DDI2: variants seen among roughly 807,000 people sequenced by gnomAD.
DDI2 encodes the protein protein DDI1 homolog 2.
A neutral mutation model predicts 48.1 loss-of-function variants in DDI2; 5 were observed. The ratio of observed to expected loss-of-function variants is 0.10; its 90% CI spans 0.05 to 0.22. The LOEUF (loss-of-function observed/expected upper bound fraction) is 0.22, where lower values mean the gene tolerates loss of function less well. DDI2 is among the 10% of genes least tolerant of loss of function. The pLI is 1.00. For missense variants in DDI2, 285 were observed against 506.2 expected, an observed-to-expected ratio of 0.56 and a Z score of 4.19; for synonymous variants, 205 against 183.6, an observed-to-expected ratio of 1.12 and a Z score of -0.94.
chr1:15,648,975 G>A (rs1250961892), intron 6 of DDI2, among the ~76,000 whole-genome samples: 1 of 152,076 alleles, frequency 6.6e-6, no homozygotes, highest in Non-Finnish European at 1.5e-5. Flanking sequence ...GCTCACTCTT[G>A]TAATCCCAGC....
At position 15,659,959 on chromosome 1, in the gene DDI2, C is replaced by T. The variant is rs141224991; in HGVS notation, c.*169C>T. 3.0e-4 allele frequency: 487 copies of T among 1,614,164 alleles called. 1 individual carries two copies. The African/African-American group carries it at 5.5e-3, about 18-fold the overall frequency. Reference sequence around the variant, plus strand: ...TGTTGGTAATCCTATGAGTCTTGCTCGCTCTGTCTCTGCTTCAGTCTGCCC... The same window carrying T: ...TGTTGGTAATCCTATGAGTCTTGCTTGCTCTGTCTCTGCTTCAGTCTGCCC... On this transcript the variant is annotated 3_prime_UTR_variant, in exon 10 of 10. Coordinates refer to ENST00000480945, the MANE Select transcript of DDI2 (RefSeq NM_032341.5).
In DDI2 at chr1:15,667,623, T is replaced by C. The variant is rs1275491956; in HGVS notation, c.*7833T>C. 2 of 152,202 alleles carry C rather than the reference T, an allele frequency of 1.3e-5. No individual in the cohort carries two copies. Among genetic ancestry groups the C allele is most frequent in the Non-Finnish European group, 2.9e-5 (2 of 68,040 alleles). The allele number at this position is 152,202 out of a possible 1,614,324, so 9.4% of individuals were successfully genotyped here. A position where few individuals can be genotyped will look rare whatever the true frequency, so the allele number is the denominator to read the frequency against. On this transcript the variant is annotated 3_prime_UTR_variant, in exon 10 of 10. Transcript: ENST00000480945. ...CGATGGCTGGGATTGGTGGACAGGATTGACAGGAGTATTTGAGGCTCTACC... is the reference window on the plus strand; with the variant it reads ...CGATGGCTGGGATTGGTGGACAGGACTGACAGGAGTATTTGAGGCTCTACC...
At position 15,617,602 on chromosome 1, in the gene DDI2, G is replaced by A; in HGVS notation, c.-69G>A. The A allele has an allele frequency of 4.0e-6, 5 of 1,246,064 alleles. No individual in the cohort carries two copies. The highest frequency in any genetic ancestry group is 4.1e-6 in the Non-Finnish European group (4 of 985,900). 77.2% of individuals were successfully genotyped at this position (1,246,064 alleles called of 1,614,324 possible). A position where few individuals can be genotyped will look rare whatever the true frequency, so the allele number is the denominator to read the frequency against. ...CCCGCAGCACCAGCCAGGCCACGCC[G>A]CCGCCTCTTCCCCTGCGCCCCGCGC... On this transcript the variant is annotated 5_prime_UTR_variant, in exon 1 of 10. Coordinates refer to ENST00000480945, the MANE Select transcript of DDI2 (RefSeq NM_032341.5).
rs1442808941 is a variant in DDI2 at position 15,638,489 on chromosome 1, C to T, written c.760+55C>T. 72 of 1,543,780 alleles carry T rather than the reference C, an allele frequency of 4.7e-5. No individual in the cohort carries two copies. In the South Asian group the frequency reaches 6.1e-4, roughly 13 times the overall value. On this transcript the variant is annotated intron_variant, in intron 5 of 9. Transcript: ENST00000480945. ...TCCCCTCCAACATCTTTACCTGACA[C>T]GGGAGAAGGGGAGGCTCAAGCATCC...
chr1:15,656,441 A>G, intron 8 of DDI2, 176 bp from the exon 9 acceptor site: 6 of 1,480,448 alleles, frequency 4.1e-6, no homozygotes, highest in Non-Finnish European at 5.4e-6. Flanking sequence ...GTATTGTGAG[A>G]GAATGGAAGC....
At chr1:15,655,508 T>C (rs531619543) in intron 8 of DDI2, among the ~76,000 whole-genome samples, 1 of 151,302 alleles carries the variant, frequency 6.6e-6, no homozygotes, top group East Asian at 1.9e-4. Flanking sequence ...TCCCAACACT[T>C]TGGGAGGCTG....
rs975607357 is a variant in DDI2, at chr1:15,662,886, C to T, written c.*3096C>T. ...CATCCTTTTCTTTCCTCAGGAGTTTCTTTTTTAAGCAAAATTCATCTTATT... is the reference window on the plus strand; with the variant it reads ...CATCCTTTTCTTTCCTCAGGAGTTTTTTTTTTAAGCAAAATTCATCTTATT... On this transcript the variant is annotated 3_prime_UTR_variant, in exon 10 of 10. Coordinates refer to ENST00000480945, the MANE Select transcript of DDI2 (RefSeq NM_032341.5). 2 of 152,086 alleles carry T rather than the reference C, an allele frequency of 1.3e-5. No homozygotes were observed. The highest frequency in any genetic ancestry group is 2.4e-5 in the African/African-American group (1 of 41,414). 9.4% of individuals were successfully genotyped at this position (152,086 alleles called of 1,614,324 possible). A position where few individuals can be genotyped will look rare whatever the true frequency, so the allele number is the denominator to read the frequency against.
intron 9 of DDI2, among the ~76,000 whole-genome samples, chr1:15,657,488 TC>T (rs773231106): frequency 4.6e-5 from 7 of 152,232 alleles, no homozygotes; most frequent in Admixed American, 6.5e-5. Flanking sequence ...CATCCTCTTC[TC>T]CTGTCATTCT....
At chr1:15,655,977 A>G (rs1010598486) in intron 8 of DDI2, among the ~76,000 whole-genome samples, 5 of 152,050 alleles carry the variant, frequency 3.3e-5, no homozygotes, top group African/African-American at 1.2e-4. Flanking sequence ...ACTCTATTAT[A>G]AACTCTATAT....
At chr1:15,659,311 A>G (rs1640320661) in intron 9 of DDI2, among the ~76,000 whole-genome samples, 3 of 152,244 alleles carry the variant, frequency 2.0e-5, no homozygotes, top group Non-Finnish European at 2.9e-5. Flanking sequence ...GTGCATTAAC[A>G]TGAGAATCAT....
chr1:15,627,573 T>G (rs762698481), intron 2 of DDI2, among the ~76,000 whole-genome samples: 12 of 152,176 alleles, frequency 7.9e-5, no homozygotes, highest in African/African-American at 2.9e-4. Flanking sequence ...TGCAGAATTG[T>G]GTGGATGTGA....
chr1:15,652,058 C>CTT (rs772990709), intron 8 of DDI2, among the ~76,000 whole-genome samples, 163 bp downstream of exon 8: 2,679 of 75,788 alleles, frequency 0.035, 216 homozygotes, highest in African/African-American at 0.12. Context: ...TTTGATCTTC[C>CTT]TTTTTTTTTT....
chr1:15,637,099 T>A (rs1639941734), intron 4 of DDI2, among the ~76,000 whole-genome samples: 1 of 152,208 alleles, frequency 6.6e-6, no homozygotes, highest in African/African-American at 2.4e-5. Context: ...GATTGATTCA[T>A]GCTGTTTTAA....
chr1:15,621,545 T>C (rs1366667262), intron 1 of DDI2, among the ~76,000 whole-genome samples: 1 of 151,998 alleles, frequency 6.6e-6, no homozygotes, highest in Non-Finnish European at 1.5e-5. Context: ...CTACGACATA[T>C]GACTAATTTT....
intron 4 of DDI2, 145 bp from the exon 5 acceptor site, chr1:15,638,162 A>G: frequency 2.8e-6 from 3 of 1,086,572 alleles, no homozygotes; most frequent in Non-Finnish European, 4.0e-6. Flanking sequence ...CTCTTGCCCC[A>G]TATAGCACCA....
At chr1:15,636,097 A>G (rs556324260) in intron 4 of DDI2, among the ~76,000 whole-genome samples, 1 of 152,290 alleles carries the variant, frequency 6.6e-6, no homozygotes, top group South Asian at 2.1e-4. Flanking sequence ...GATTATTATG[A>G]AAAGAACAGA....
Position 15,665,288 on chromosome 1 carries a change from A to T in DDI2, c.*5498A>T, listed in dbSNP as rs935498329. The T allele has an allele frequency of 1.3e-5, 2 of 149,830 alleles. No homozygotes were observed. The highest frequency in any genetic ancestry group is 1.3e-4 in the Admixed American group (2 of 15,008). 9.3% of individuals were successfully genotyped at this position (149,830 alleles called of 1,614,324 possible). ...AAAAAAAAAAAAAAAAAAGGTAACC[A>T]GTTGCTTGGCAAAGGAAGCTGGAGA... On this transcript the variant is annotated 3_prime_UTR_variant, in exon 10 of 10. Transcript: ENST00000480945.
intron 1 of DDI2, among the ~76,000 whole-genome samples, chr1:15,625,089 C>G (rs1415675805): frequency 6.6e-6 from 1 of 152,184 alleles, no homozygotes; most frequent in Non-Finnish European, 1.5e-5. Context: ...GGCATAATCA[C>G]TTTTTTTCCA....
chr1:15,665,595 G>A lies in DDI2; in HGVS notation c.*5805G>A, dbSNP rs182639980. ...TTTAAGCTCATGTCTATATATATGTGTGTAAGCTAGCATATACATATGGTG... is the reference window on the plus strand; with the variant it reads ...TTTAAGCTCATGTCTATATATATGTATGTAAGCTAGCATATACATATGGTG... On this transcript the variant is annotated 3_prime_UTR_variant, in exon 10 of 10. Transcript: ENST00000480945. The A allele has an allele frequency of 6.6e-6, 1 of 152,294 alleles. No homozygotes were observed. The highest frequency in any genetic ancestry group is 1.9e-4 in the East Asian group (1 of 5,184). 9.4% of individuals were successfully genotyped at this position (152,294 alleles called of 1,614,324 possible).
Sources: gnomAD v4.1 joint callset for allele counts (sites outside exome capture counted in the v4.1 genomes callset) on GRCh38, gnomAD v4.1.1 for gene constraint, MANE v1.5 for transcripts, NCBI Gene and HGNC (gene_info 2026-07-23, HGNC 2026-07-21) for gene names.